FAM117B: variants seen among roughly 807,000 people sequenced by gnomAD.
FAM117B encodes protein FAM117B.
A neutral mutation model predicts 52.8 loss-of-function variants in FAM117B; 22 were observed. The observed-to-expected ratio is 0.42, with a 90% CI of 0.30 to 0.59. FAM117B has a LOEUF of 0.59. Among genes scored for constraint, FAM117B ranks in the 20% least tolerant of loss-of-function variants. The probability of loss-of-function intolerance (pLI) is 0.22; values close to 1 mark genes in which losing one functional copy is unlikely to be tolerated. For missense variants in FAM117B, 678 were observed against 802.6 expected (o/e 0.84, Z 1.88); for synonymous variants, 309 against 324.1 (o/e 0.95, Z 0.50).
chr2:202,674,909 C>T (rs1690353302), intron 1 of FAM117B, among the ~76,000 whole-genome samples: 1 of 152,098 alleles, frequency 6.6e-6, no homozygotes, highest in African/African-American at 2.4e-5. Flanking sequence ...GTGGCATGCT[C>T]TTTCTTCCTC....
At position 202,734,411 on chromosome 2, in the gene FAM117B, T is replaced by C. The variant is rs565817207; in HGVS notation, c.960+8048T>C. Among the ~76,000 whole-genome samples, 4 of 152,334 alleles carry C rather than the reference T, an allele frequency of 2.6e-5. No individual in the cohort carries two copies. In the South Asian group the frequency reaches 8.3e-4, roughly 32 times the overall value. ...TTGTACAATTTAAATGAGTGAATTG[T>C]ATGGTATTATACATTATATTCTAGT... On this transcript the variant is annotated intron_variant, in intron 4 of 7. Transcript: ENST00000392238.
chr2:202,718,180 A>C (rs906899322), intron 2 of FAM117B, among the ~76,000 whole-genome samples: 3 of 151,230 alleles, frequency 2.0e-5, no homozygotes, highest in African/African-American at 7.3e-5. Flanking sequence ...CCTTCAGGGC[A>C]GTGGTTTCCC....
chr2:202,704,421 A>ATTTCTGC (rs1690843035), intron 2 of FAM117B, among the ~76,000 whole-genome samples: 1 of 152,178 alleles, frequency 6.6e-6, no homozygotes, highest in South Asian at 2.1e-4. Context: ...GCTGAGACTG[A>ATTTCTGC]TAAGTGATTT....
intron 1 of FAM117B, among the ~76,000 whole-genome samples, chr2:202,642,901 G>A (rs769911397): frequency 4.6e-5 from 7 of 152,216 alleles, no homozygotes; most frequent in Non-Finnish European, 1.0e-4. Context: ...CCTGTGAAAT[G>A]TGGTAGGAGG....
intron 3 of FAM117B, among the ~76,000 whole-genome samples, chr2:202,725,699 A>G (rs1691231836): frequency 6.6e-6 from 1 of 152,228 alleles, no homozygotes; most frequent in African/African-American, 2.4e-5. Context: ...GCTCCATGCT[A>G]TGATTACCAT....
chr2:202,731,342 T>TATATATATAG (rs1691344046), intron 4 of FAM117B, among the ~76,000 whole-genome samples: 1 of 120,578 alleles, frequency 8.3e-6, no homozygotes, highest in South Asian at 2.6e-4. Flanking sequence ...AATATATATA[T>TATATATATAG]ATATATATAT....
intron 1 of FAM117B, among the ~76,000 whole-genome samples, chr2:202,690,638 A>G (rs1270159563): frequency 6.6e-6 from 1 of 152,190 alleles, no homozygotes; most frequent in Non-Finnish European, 1.5e-5. Flanking sequence ...GGGTAGAGAC[A>G]AACACCTAGA....
chr2:202,732,324 T>C (rs907920318), intron 4 of FAM117B, among the ~76,000 whole-genome samples: 4 of 152,184 alleles, frequency 2.6e-5, no homozygotes, highest in Admixed American at 6.5e-5. Context: ...CCAAGAGAAT[T>C]GAAAATATAT....
At position 202,639,991 on chromosome 2, in the gene FAM117B, C is replaced by T. The variant is rs187679145; in HGVS notation, c.601+4203C>T. On this transcript the variant is annotated intron_variant, in intron 1 of 7. Coordinates refer to ENST00000392238, the MANE Select transcript of FAM117B (RefSeq NM_173511.4). ...TGTGGTATAATAAAAAAAATTTGGT[C>T]GGGCACGGTGGCTTATACCTGTAAT... is the stretch of plus-strand genomic sequence containing the variant. Among the ~76,000 whole-genome samples the T allele has an allele frequency of 5.5e-3, 841 of 151,884 alleles. 6 individuals are homozygous for T. The highest frequency in any genetic ancestry group is 9.0e-3 in the Non-Finnish European group (609 of 67,956).
intron 1 of FAM117B, among the ~76,000 whole-genome samples, chr2:202,652,099 ATTATTTTATTTTT>A (rs1689967046): frequency 6.7e-6 from 1 of 149,368 alleles, no homozygotes; most frequent in South Asian, 2.1e-4. Flanking sequence ...GTCTGTTTAT[ATTATTTTATTTTT>A]TTTAAAGACA....
In FAM117B at chr2:202,635,637, GTCGTCGCCCAGC is replaced by G. The variant is rs900544412; in HGVS notation, c.461_472del (p.Ser154_Pro157del). On this transcript the variant is annotated inframe_deletion, in exon 1 of 8. Transcript: ENST00000392238. Reference sequence around the variant, plus strand: ...CGCCGCCGCCGCTGCTGGGCACCGTGTCGTCGCCCAGCTCGTCGCCCACCCACCTGTGGACCG... The same window carrying G: ...CGCCGCCGCCGCTGCTGGGCACCGTGTCGTCGCCCACCCACCTGTGGACCG... 3 of 1,331,810 alleles carry G rather than the reference GTCGTCGCCCAGC, an allele frequency of 2.3e-6. No homozygotes were observed. Among genetic ancestry groups the G allele is most frequent in the African/African-American group, 1.5e-5 (1 of 65,168 alleles). 82.5% of individuals were successfully genotyped at this position (1,331,810 alleles called of 1,614,324 possible).
chr2:202,684,950 A>G (rs941824122), intron 1 of FAM117B, among the ~76,000 whole-genome samples: 13 of 152,144 alleles, frequency 8.5e-5, no homozygotes, highest in African/African-American at 2.9e-4. Flanking sequence ...TCGATTATCT[A>G]AGAGAAAAGA....
At chr2:202,646,029 T>C (rs934613316) in intron 1 of FAM117B, among the ~76,000 whole-genome samples, 3 of 147,794 alleles carry the variant, frequency 2.0e-5, no homozygotes, top group African/African-American at 7.4e-5. Context: ...TAAAAGTTTT[T>C]TGTTTTTTTT....
rs375803532 is a variant in FAM117B at position 202,699,517 on chromosome 2, G to A, written c.753+3485G>A. Among the ~76,000 whole-genome samples the A allele has an allele frequency of 2.1e-4, 31 of 148,730 alleles. No individual in the cohort carries two copies. In the South Asian group the frequency reaches 3.2e-3, roughly 15 times the overall value. ...ACTGTTAATCTTATTTGTAAAGCTC[G>A]TGTAGAATCTCCTAAAGGATAACTG... On this transcript the variant is annotated intron_variant, in intron 2 of 7. Transcript: ENST00000392238.
At chr2:202,652,388 C>T (rs764151954) in intron 1 of FAM117B, among the ~76,000 whole-genome samples, 7 of 152,254 alleles carry the variant, frequency 4.6e-5, no homozygotes, top group Middle Eastern at 3.4e-3. Flanking sequence ...TGCGAGCCAC[C>T]CTGCCTGGCC....
intron 1 of FAM117B, among the ~76,000 whole-genome samples, chr2:202,645,295 G>C (rs867370675): frequency 3.7e-5 from 5 of 133,970 alleles, no homozygotes; most frequent in Admixed American, 7.7e-5. Context: ...TTTTTTTTTT[G>C]TTTGTCTGTT....
chr2:202,665,558 T>A (rs115360738), intron 1 of FAM117B, among the ~76,000 whole-genome samples: 104 of 152,280 alleles, frequency 6.8e-4, no homozygotes, highest in Middle Eastern at 3.4e-3. Context: ...GGATGTGATA[T>A]CTCGTTGTGT....
At chr2:202,728,176 A>G (rs1691285361) in intron 4 of FAM117B, among the ~76,000 whole-genome samples, 1 of 151,902 alleles carries the variant, frequency 6.6e-6, no homozygotes, top group South Asian at 2.1e-4. Flanking sequence ...TTATTTTTGT[A>G]GAGATGGGGT....
chr2:202,741,911 C>T (rs1443825761), intron 4 of FAM117B, among the ~76,000 whole-genome samples: 1 of 152,066 alleles, frequency 6.6e-6, no homozygotes, highest in African/African-American at 2.4e-5. Context: ...AAACAGCAAC[C>T]AGCTAGAAGA....
Sources: gnomAD v4.1 joint callset for allele counts (sites outside exome capture counted in the v4.1 genomes callset) on GRCh38, gnomAD v4.1.1 for gene constraint, MANE v1.5 for transcripts, NCBI Gene and HGNC (gene_info 2026-07-23, HGNC 2026-07-21) for gene names.